Variants in ETV6 observed in about 807,000 individuals in gnomAD.
ETV6 encodes the protein transcription factor ETV6.
ETV6 carries 16 observed loss-of-function variants against 51.1 expected under a neutral mutation model. The ratio of observed to expected loss-of-function variants is 0.31; its 90% CI spans 0.21 to 0.48. The LOEUF (loss-of-function observed/expected upper bound fraction) is 0.48, where lower values mean the gene tolerates loss of function less well. Among genes scored for constraint, ETV6 ranks in the 20% least tolerant of loss-of-function variants. ETV6 has a pLI of 0.99. For missense variants in ETV6, 458 were observed against 594.8 expected, an observed-to-expected ratio of 0.77 and a Z score of 2.39; for synonymous variants, 240 against 224.1, an observed-to-expected ratio of 1.07 and a Z score of -0.64.
chr12:11,884,623 T>A (rs767586012), intron 6 of ETV6, 36 bp downstream of exon 6: 54 of 1,611,540 alleles, frequency 3.4e-5, no homozygotes, highest in Admixed American at 1.7e-4. Flanking sequence ...CATAAACTAG[T>A]GCCAAAATGA....
At chr12:11,805,546 A>G (rs1945816921) in intron 2 of ETV6, among the ~76,000 whole-genome samples, 1 of 152,246 alleles carries the variant, frequency 6.6e-6, no homozygotes, top group African/African-American at 2.4e-5. Flanking sequence ...TGTGTCGCAT[A>G]CATTTAAGAG....
chr12:11,752,849 G>T (rs1361028673), intron 2 of ETV6: 5 of 312,418 alleles, frequency 1.6e-5, no homozygotes, highest in Non-Finnish European at 2.9e-5. Flanking sequence ...ATATGGCAGA[G>T]CCAACTAAAT....
intron 1 of ETV6, among the ~76,000 whole-genome samples, chr12:11,740,396 T>C (rs182037099): frequency 6.6e-6 from 1 of 152,344 alleles, no homozygotes; most frequent in Admixed American, 6.5e-5. Context: ...GGCAGCTACA[T>C]GTTGGAACCG....
intron 5 of ETV6, among the ~76,000 whole-genome samples, chr12:11,878,855 G>A (rs561823688): frequency 1.5e-3 from 216 of 148,358 alleles, no homozygotes; most frequent in Middle Eastern, 3.5e-3. Context: ...AGCAGCAGAT[G>A]GCCCCCTGAA....
chr12:11,662,807 C>T (rs976302215), intron 1 of ETV6, among the ~76,000 whole-genome samples: 1 of 152,204 alleles, frequency 6.6e-6, no homozygotes, highest in African/African-American at 2.4e-5. Context: ...TTCTTCGCAG[C>T]CCTGGTCCCC....
chr12:11,746,661 T>C (rs1471154872), intron 1 of ETV6, among the ~76,000 whole-genome samples: 1 of 152,242 alleles, frequency 6.6e-6, no homozygotes, highest in Non-Finnish European at 1.5e-5. Context: ...ATGCCTGCTA[T>C]AGGCCTAGCC....
At chr12:11,707,942 C>T (rs1398986416) in intron 1 of ETV6, among the ~76,000 whole-genome samples, 2 of 152,208 alleles carry the variant, frequency 1.3e-5, no homozygotes, top group Admixed American at 6.5e-5. Context: ...AGTAAAGTGA[C>T]CTTTTAGCAG....
At chr12:11,841,706 A>C (rs1946392764) in intron 3 of ETV6, among the ~76,000 whole-genome samples, 1 of 152,228 alleles carries the variant, frequency 6.6e-6, no homozygotes, top group Non-Finnish European at 1.5e-5. Flanking sequence ...TGGCTTGTCG[A>C]ACAAACCTCA....
intron 1 of ETV6, chr12:11,750,828 T>C: frequency 4.5e-6 from 2 of 443,852 alleles, no homozygotes; most frequent in Non-Finnish European, 8.6e-6. Context: ...GCTTTTTTCA[T>C]CCCAAACCAA....
At chr12:11,875,470 C>T (rs957433208) in intron 5 of ETV6, among the ~76,000 whole-genome samples, 5 of 152,220 alleles carry the variant, frequency 3.3e-5, no homozygotes, top group Non-Finnish European at 2.9e-5. Flanking sequence ...TAAAACTTTA[C>T]CTACAAAAGT....
chr12:11,769,669 C>T (rs528402474), intron 2 of ETV6, among the ~76,000 whole-genome samples: 36 of 152,270 alleles, frequency 2.4e-4, no homozygotes, highest in Admixed American at 8.5e-4. Context: ...TCATATTCCC[C>T]GTTTGAGCTT....
chr12:11,770,777 G>C (rs1007608265), intron 2 of ETV6, among the ~76,000 whole-genome samples: 1 of 152,194 alleles, frequency 6.6e-6, no homozygotes, highest in Non-Finnish European at 1.5e-5. Flanking sequence ...GCACGTGCCT[G>C]TGGTCCCAGT....
intron 1 of ETV6, among the ~76,000 whole-genome samples, chr12:11,721,345 T>A (rs1208101394): frequency 6.6e-6 from 1 of 152,184 alleles, no homozygotes; most frequent in East Asian, 1.9e-4. Context: ...TGATTTTGTT[T>A]TAATGTGGTA....
At chr12:11,713,457 C>G (rs1205383159) in intron 1 of ETV6, among the ~76,000 whole-genome samples, 5 of 152,128 alleles carry the variant, frequency 3.3e-5, no homozygotes, top group African/African-American at 1.2e-4. Context: ...CTTTTGCTTT[C>G]CTCTTTTGTT....
chr12:11,774,531 T>C (rs540729351), intron 2 of ETV6, among the ~76,000 whole-genome samples: 1 of 152,334 alleles, frequency 6.6e-6, no homozygotes, highest in Admixed American at 6.5e-5. Context: ...GAGCTATACC[T>C]TAGTGTCTGT....
At chr12:11,664,088 G>T (rs1327755640) in intron 1 of ETV6, among the ~76,000 whole-genome samples, 1 of 152,140 alleles carries the variant, frequency 6.6e-6, no homozygotes, top group Non-Finnish European at 1.5e-5. Flanking sequence ...GGCAAAGCAG[G>T]GTTCCTGTTA....
rs1947294920 is a variant in ETV6, at chr12:11,891,958, T to TAAGA, written c.*913_*916dup. 4.2e-6 allele frequency: 1 copy of TAAGA among 240,672 alleles called. No homozygotes were observed. 14.9% of individuals were successfully genotyped at this position (240,672 alleles called of 1,614,324 possible). ...CTGTGAGAACCATGTGTCTAAGGCG[T>TAAGA]AAGATAAGGATGGAAGGCTGTCCAA... On this transcript the variant is annotated 3_prime_UTR_variant, in exon 8 of 8. Transcript: ENST00000396373.
chr12:11,835,397 AT>A (rs1283869828), intron 2 of ETV6, among the ~76,000 whole-genome samples: 3 of 152,180 alleles, frequency 2.0e-5, no homozygotes, highest in Non-Finnish European at 4.4e-5. Context: ...TAACATCTAT[AT>A]TCTTTGACTT....
At chr12:11,862,494 C>A (rs1946731498) in intron 4 of ETV6, among the ~76,000 whole-genome samples, 2 of 152,160 alleles carry the variant, frequency 1.3e-5, no homozygotes, top group Admixed American at 1.3e-4. Flanking sequence ...TCAACGTGTG[C>A]CAGAGTTGGT....
Sources: allele counts gnomAD v4.1 joint callset (sites outside exome capture counted in the v4.1 genomes callset), GRCh38; gene constraint gnomAD v4.1.1; transcripts MANE v1.5; gene names NCBI Gene and HGNC (gene_info 2026-07-23, HGNC 2026-07-21).